The following KCNH1 variants were observed in gnomAD, a reference collection of about 807,000 sequenced individuals.
The protein encoded by KCNH1 is voltage-gated delayed rectifier potassium channel KCNH1.
KCNH1 carries 27 observed loss-of-function variants against 69.2 expected under a neutral mutation model. That is an observed-to-expected ratio of 0.39 (90% CI 0.29 to 0.54). KCNH1 has a LOEUF of 0.54. Ranked by LOEUF, KCNH1 falls within the 20% of genes least tolerant of loss-of-function variation. The pLI is 0.68. For missense variants in KCNH1, 798 were observed against 1,261.6 expected, an observed-to-expected ratio of 0.63 and a Z score of 5.57; for synonymous variants, 456 against 487.7, an observed-to-expected ratio of 0.93 and a Z score of 0.86.
intron 10 of KCNH1, among the ~76,000 whole-genome samples, chr1:210,731,823 A>T (rs1233078582): frequency 6.6e-6 from 1 of 152,170 alleles, no homozygotes; most frequent in Non-Finnish European, 1.5e-5. Context: ...GAGAATCAAC[A>T]TATGAAGTTT....
At chr1:210,996,661 G>T (rs1275786950) in intron 6 of KCNH1, among the ~76,000 whole-genome samples, 5 of 152,228 alleles carry the variant, frequency 3.3e-5, no homozygotes, top group African/African-American at 1.2e-4. Flanking sequence ...CGCAGCTGGA[G>T]ATCTGAGAAC....
intron 6 of KCNH1, among the ~76,000 whole-genome samples, chr1:210,989,944 T>C (rs1688908639): frequency 6.6e-6 from 1 of 152,216 alleles, no homozygotes; most frequent in Admixed American, 6.5e-5. Context: ...ATTTCTTCTG[T>C]GTGATTGCAG....
At chr1:211,036,533 T>C (rs1357565524) in intron 5 of KCNH1, among the ~76,000 whole-genome samples, 1 of 152,196 alleles carries the variant, frequency 6.6e-6, no homozygotes, top group East Asian at 1.9e-4. Context: ...TATAACTATC[T>C]GGAAAGAGGT....
chr1:210,843,709 T>G (rs1685475719), intron 7 of KCNH1, among the ~76,000 whole-genome samples: 1 of 152,190 alleles, frequency 6.6e-6, no homozygotes, highest in South Asian at 2.1e-4. Flanking sequence ...AGCATTAATG[T>G]TCATTTACTG....
chr1:210,751,894 C>A (rs1215394286), intron 10 of KCNH1, among the ~76,000 whole-genome samples: 1 of 152,060 alleles, frequency 6.6e-6, no homozygotes, highest in African/African-American at 2.4e-5. Context: ...AAAGGACAAG[C>A]AGAACACCAT....
At chr1:210,858,962 C>A (rs1197306280) in intron 7 of KCNH1, 29 of 392,018 alleles carry the variant, frequency 7.4e-5, no homozygotes, top group Non-Finnish European at 1.2e-4. Context: ...TACCTCCAAT[C>A]CCCCCCACCC....
In KCNH1 at chr1:210,907,672, T is replaced by A. The variant is rs113975694; in HGVS notation, c.1462+11968A>T. Among the ~76,000 whole-genome samples the A allele has an allele frequency of 7.1e-3, 1,088 of 152,312 alleles. 5 individuals are homozygous for A. Among genetic ancestry groups the A allele is most frequent in the Middle Eastern group, 0.027 (8 of 294 alleles). On this transcript the variant is annotated intron_variant, in intron 7 of 10. Transcript: ENST00000271751. ...TGGAGCAAACTACAGAGCTTCTGCA[T>A]GTGTCTATGGGTGACACAGAAGAAG...
intron 6 of KCNH1, among the ~76,000 whole-genome samples, chr1:211,004,318 G>T (rs1689239529): frequency 6.6e-6 from 1 of 152,112 alleles, no homozygotes; most frequent in South Asian, 2.1e-4. Flanking sequence ...AACAATGAAA[G>T]AGGAAACAGA....
intron 6 of KCNH1, among the ~76,000 whole-genome samples, chr1:210,942,314 T>C (rs1179664125): frequency 3.9e-5 from 6 of 151,934 alleles, no homozygotes; most frequent in Non-Finnish European, 5.9e-5. Flanking sequence ...TCAATCCAAG[T>C]TCAGGGCACA....
chr1:210,965,743 A>C (rs1370507014), intron 6 of KCNH1, among the ~76,000 whole-genome samples: 1 of 152,202 alleles, frequency 6.6e-6, no homozygotes, highest in Non-Finnish European at 1.5e-5. Context: ...GGACATAAAC[A>C]AATTGAAAAA....
At chr1:210,893,266 A>G (rs1285146720) in intron 7 of KCNH1, among the ~76,000 whole-genome samples, 1 of 152,058 alleles carries the variant, frequency 6.6e-6, no homozygotes, top group Non-Finnish European at 1.5e-5. Flanking sequence ...GTTTTGAAAG[A>G]TTTTTGCTGG....
intron 3 of KCNH1, among the ~76,000 whole-genome samples, chr1:211,091,915 A>G (rs561747171): frequency 9.2e-5 from 14 of 152,372 alleles, no homozygotes; most frequent in African/African-American, 2.4e-4. Context: ...ATTCTATGAT[A>G]CAAAATTAAA....
At chr1:210,721,864 C>A (rs1266188886) in intron 10 of KCNH1, among the ~76,000 whole-genome samples, 2 of 152,140 alleles carry the variant, frequency 1.3e-5, no homozygotes, top group Non-Finnish European at 2.9e-5. Flanking sequence ...AAGCCAATGG[C>A]TAGGTCCCAG....
At chr1:210,913,664 T>C (rs2102552655) in intron 7 of KCNH1, among the ~76,000 whole-genome samples, 1 of 152,318 alleles carries the variant, frequency 6.6e-6, no homozygotes, top group African/African-American at 2.4e-5. Flanking sequence ...CTCTTCCTGC[T>C]GTGGAGGACT....
intron 6 of KCNH1, among the ~76,000 whole-genome samples, chr1:211,001,093 G>A (rs534001482): frequency 7.6e-4 from 116 of 152,152 alleles, no homozygotes; most frequent in African/African-American, 2.2e-3. Flanking sequence ...CATTCAGGAC[G>A]TAGGCATGGG....
intron 7 of KCNH1, among the ~76,000 whole-genome samples, chr1:210,826,100 T>C (rs1325019980): frequency 6.6e-6 from 1 of 152,216 alleles, no homozygotes; most frequent in Non-Finnish European, 1.5e-5. Context: ...TAATTTTAAT[T>C]TGTTACATTT....
At chr1:210,938,091 C>T (rs1033202872) in intron 6 of KCNH1, among the ~76,000 whole-genome samples, 1 of 152,212 alleles carries the variant, frequency 6.6e-6, no homozygotes, top group Non-Finnish European at 1.5e-5. Context: ...GCATGTCTAA[C>T]CTTCAGTCTA....
chr1:211,072,902 C>G (rs555496021), intron 5 of KCNH1, among the ~76,000 whole-genome samples: 79 of 152,278 alleles, frequency 5.2e-4, no homozygotes, highest in African/African-American at 1.7e-3. Context: ...CTTTAAACTT[C>G]AGTGGTCTAA....
chr1:211,050,584 T>C (rs1418245287), intron 5 of KCNH1, among the ~76,000 whole-genome samples: 2 of 152,182 alleles, frequency 1.3e-5, no homozygotes, highest in African/African-American at 2.4e-5. Flanking sequence ...GAAATGCAAC[T>C]GGGTAACAAT....
Sources: allele counts gnomAD v4.1 joint callset (sites outside exome capture counted in the v4.1 genomes callset), GRCh38; gene constraint gnomAD v4.1.1; transcripts MANE v1.5; gene names NCBI Gene and HGNC (gene_info 2026-07-23, HGNC 2026-07-21).